The following GPAT3 variants were observed in gnomAD, a reference collection of about 807,000 sequenced individuals.
GPAT3 encodes glycerol-3-phosphate acyltransferase 3, also known as 1-AGP acyltransferase 9.
A neutral mutation model predicts 58.8 loss-of-function variants in GPAT3; 53 were observed. That is an observed-to-expected ratio of 0.90 (90% CI 0.72 to 1.13). The LOEUF (loss-of-function observed/expected upper bound fraction) is 1.13. Among genes scored for constraint, GPAT3 ranks in the 50% most tolerant of loss-of-function variants. The pLI is 0.00. For missense variants in GPAT3, 511 were observed against 527.6 expected (o/e 0.97, Z 0.31); for synonymous variants, 197 against 187.4 (o/e 1.05, Z -0.42).
chr4:83,560,101 C>T (rs1036311688), intron 2 of GPAT3, among the ~76,000 whole-genome samples: 7 of 152,186 alleles, frequency 4.6e-5, no homozygotes, highest in Admixed American at 3.3e-4. Flanking sequence ...GACCAGGTGC[C>T]TGGTTTTCCT....
chr4:83,548,387 T>C (rs1266544734), intron 2 of GPAT3, among the ~76,000 whole-genome samples: 1 of 152,212 alleles, frequency 6.6e-6, no homozygotes, highest in Non-Finnish European at 1.5e-5. Flanking sequence ...GGGATTATGA[T>C]GCTGTTAGGT....
chr4:83,589,559 G>A (rs541849038), intron 5 of GPAT3, among the ~76,000 whole-genome samples: 39 of 152,172 alleles, frequency 2.6e-4, no homozygotes, highest in Non-Finnish European at 5.3e-4. Flanking sequence ...GCCAACCTCT[G>A]CTCTAGGAGG....
At chr4:83,566,419 T>TTTATTATTATTATTATTATTATTA (rs10688921) in intron 2 of GPAT3, among the ~76,000 whole-genome samples, 11 of 143,594 alleles carry the variant, frequency 7.7e-5, no homozygotes, top group African/African-American at 2.8e-4. Flanking sequence ...AATTAATTAA[T>TTTATTATTATTATTATTATTATTA]TTATTATTAT....
chr4:83,561,444 CCTT>C (rs1008873545), intron 2 of GPAT3, among the ~76,000 whole-genome samples: 4 of 151,406 alleles, frequency 2.6e-5, no homozygotes, highest in Admixed American at 6.6e-5. Flanking sequence ...CATTCATATC[CCTT>C]CTTCTTCTTG....
chr4:83,597,834 T>C (rs1168101661), intron 9 of GPAT3, among the ~76,000 whole-genome samples: 1 of 152,188 alleles, frequency 6.6e-6, no homozygotes, highest in Non-Finnish European at 1.5e-5. Flanking sequence ...TAACTCTTGT[T>C]GGTGTGCTCT....
At chr4:83,549,912 G>C (rs1298506782) in intron 2 of GPAT3, among the ~76,000 whole-genome samples, 2 of 151,670 alleles carry the variant, frequency 1.3e-5, no homozygotes. Context: ...TAGTAGAGAT[G>C]GGGTTTCACC....
intron 2 of GPAT3, among the ~76,000 whole-genome samples, chr4:83,565,393 G>T (rs891886132): frequency 3.3e-5 from 5 of 152,036 alleles, no homozygotes. Flanking sequence ...GAGCCACCAC[G>T]CCCAGCCTCC....
At chr4:83,601,708 C>T (rs1413278308) in intron 11 of GPAT3, among the ~76,000 whole-genome samples, 3 of 152,210 alleles carry the variant, frequency 2.0e-5, no homozygotes, top group Non-Finnish European at 4.4e-5. Flanking sequence ...TAGCTGAGAT[C>T]GTGCCACTGC....
At chr4:83,570,600 G>A (rs1440591586) in intron 2 of GPAT3, among the ~76,000 whole-genome samples, 3 of 151,564 alleles carry the variant, frequency 2.0e-5, no homozygotes, top group African/African-American at 2.4e-5. Context: ...AGCCTCCTGA[G>A]TAGCCGGCAC....
In GPAT3 at chr4:83,555,349, C is replaced by T. The variant is rs532717710; in HGVS notation, c.208+10747C>T. Among the ~76,000 whole-genome samples the T allele has an allele frequency of 9.9e-5, 15 of 152,256 alleles. 1 individual carries two copies. The South Asian group carries it at 3.1e-3, about 32-fold the overall frequency. The stretch of plus-strand genomic sequence containing the variant: ...GTGATTACAGGGTTGGAACTTTCAG[C>T]TCCCCTCCATATTGCTCCCCAAAGG... On this transcript the variant is annotated intron_variant, in intron 2 of 11. Coordinates refer to ENST00000264409, the MANE Select transcript of GPAT3 (RefSeq NM_032717.5).
chr4:83,600,047 T>G (rs2110111282), intron 11 of GPAT3, among the ~76,000 whole-genome samples: 1 of 152,280 alleles, frequency 6.6e-6, no homozygotes, highest in Admixed American at 6.5e-5. Flanking sequence ...TGGTTGACTG[T>G]GGGTAACTGA....
At chr4:83,576,750 G>GA (rs1433657097) in intron 2 of GPAT3, among the ~76,000 whole-genome samples, 2 of 152,046 alleles carry the variant, frequency 1.3e-5, no homozygotes, top group East Asian at 3.9e-4. Flanking sequence ...AATGGAGTGA[G>GA]AAAATATCAT....
chr4:83,581,024 A>T (rs1726097227), intron 2 of GPAT3, among the ~76,000 whole-genome samples: 1 of 132,638 alleles, frequency 7.5e-6, no homozygotes, highest in African/African-American at 2.9e-5. Context: ...TGAACCCGGG[A>T]GGCGGAGCTT....
At chr4:83,576,412 TTTTATTTATTTATTTA>T (rs35514780) in intron 2 of GPAT3, among the ~76,000 whole-genome samples, 17 of 142,610 alleles carry the variant, frequency 1.2e-4, no homozygotes, top group Admixed American at 5.6e-4. Flanking sequence ...GAAAATATCA[TTTTATTTATTTATTTA>T]TTTATTTATT....
Position 83,598,639 on chromosome 4 carries a change from A to C in GPAT3, c.1126-5A>C. 2 of 1,605,922 alleles carry C rather than the reference A, an allele frequency of 1.2e-6. No individual in the cohort carries two copies. Among genetic ancestry groups the C allele is most frequent in the Non-Finnish European group, 1.7e-6 (2 of 1,177,478 alleles). On this transcript the variant is annotated splice_region_variant and splice_polypyrimidine_tract_variant and intron_variant, in intron 10 of 11. Coordinates refer to ENST00000264409, the MANE Select transcript of GPAT3 (RefSeq NM_032717.5). ...TTCTTGCAATTTTTTTTTTTTTTAA[A>C]CCAGGAAGGAGAAGATGCAGTCCAG...
chr4:83,536,142 C>A lies in GPAT3; in HGVS notation c.-481C>A. 1.0e-6 allele frequency: 1 copy of A among 985,828 alleles called. No homozygotes were observed. Among genetic ancestry groups the A allele is most frequent in the Non-Finnish European group, 1.2e-6 (1 of 830,166 alleles). The allele number at this position is 985,828 out of a possible 1,614,324, so 61.1% of individuals were successfully genotyped here. On this transcript the variant is annotated 5_prime_UTR_variant, in exon 1 of 12. Transcript: ENST00000264409. ...CACAGCCCGCGGCCCGGTGCCAGCT[C>A]CGCCGGCGACCGGTGTGCCAAAGTG...
intron 2 of GPAT3, among the ~76,000 whole-genome samples, chr4:83,566,324 C>A (rs1179660074): frequency 6.6e-6 from 1 of 152,138 alleles, no homozygotes; most frequent in African/African-American, 2.4e-5. Flanking sequence ...TAGGCGTGAG[C>A]CACCAAACCT....
chr4:83,562,795 TATAG>T (rs59104462), intron 2 of GPAT3, among the ~76,000 whole-genome samples: 23 of 150,622 alleles, frequency 1.5e-4, no homozygotes, highest in South Asian at 8.4e-4. Flanking sequence ...TAGAAAGAGA[TATAG>T]ATAGATAGAT....
In GPAT3 at chr4:83,536,722, A is replaced by C; in HGVS notation, c.100A>C (p.Ile34Leu). Reference sequence around the variant, plus strand: ...TTCGGTCTTCGGAGTGTCTCTGGGCATCTCCGAGATCTACATGAAGATCCT... The same window carrying C: ...TTCGGTCTTCGGAGTGTCTCTGGGCCTCTCCGAGATCTACATGAAGATCCT... ...LPSVFGVSLG[I>L]SEIYMKILVK... Residue 34 changes from isoleucine to leucine, a missense_variant, in exon 1 of 12, where the codon ATC (isoleucine) becomes CTC (leucine). Ile to Leu is a conservative substitution (Grantham distance 5). Coordinates refer to ENST00000264409, the MANE Select transcript of GPAT3 (RefSeq NM_032717.5). 1 of 1,610,258 alleles carries C rather than the reference A, an allele frequency of 6.2e-7. No homozygotes were observed. The highest frequency in any genetic ancestry group is 8.5e-7 in the Non-Finnish European group (1 of 1,178,804).
Sources: gnomAD v4.1 joint callset for allele counts (sites outside exome capture counted in the v4.1 genomes callset) on GRCh38, gnomAD v4.1.1 for gene constraint, MANE v1.5 for transcripts, NCBI Gene and HGNC (gene_info 2026-07-23, HGNC 2026-07-21) for gene names.